RAET1G: variants seen among roughly 807,000 people sequenced by gnomAD.
RAET1G encodes UL-16 binding protein 5.
A neutral mutation model predicts 29.5 loss-of-function variants in RAET1G; 25 were observed. The observed-to-expected ratio is 0.85, with a 90% CI of 0.62 to 1.18. The LOEUF is 1.18. RAET1G is among the 50% of genes most tolerant of loss of function. RAET1G has a pLI of 0.00. For missense variants in RAET1G, 434 were observed against 423.6 expected (o/e 1.02, Z -0.22); for synonymous variants, 167 against 159.5 (o/e 1.05, Z -0.36).
Position 149,918,223 on chromosome 6 carries a change from G to A in RAET1G, c.793C>T (p.Pro265Ser), listed in dbSNP as rs1218902181. 3 of 1,614,098 alleles carry A rather than the reference G, an allele frequency of 1.9e-6. No homozygotes were observed. Among genetic ancestry groups the A allele is most frequent in the African/African-American group, 2.7e-5 (2 of 74,934 alleles). Residue 265 changes from proline to serine, a missense_variant, in exon 4 of 5, where the codon CCC becomes TCC. Transcript: ENST00000367360. ...AGCAGCCAGGTAGGATGAAGCAGGG[G>A]AGGATGAGGAGGAGGCTGCAGGGAC... ...PQSLQPPPHPPLLHPTWLLRR... is the reference protein window; with the variant it reads ...PQSLQPPPHPSLLHPTWLLRR...
rs1022830229 is a variant in RAET1G at position 149,918,767 on chromosome 6, T to C, written c.631+276A>G. 2.5e-5 allele frequency: 15 copies of C among 605,656 alleles called. No homozygotes were observed. The African/African-American group carries it at 2.8e-4, about 11-fold the overall frequency. The allele number at this position is 605,656 out of a possible 1,614,324, so 37.5% of individuals were successfully genotyped here. On this transcript the variant is annotated intron_variant, in intron 3 of 4. Transcript: ENST00000367360. The stretch of plus-strand genomic sequence containing the variant: ...AGAGGGAACACTAAGGAGAAAGGCC[T>C]GAAAATAGTGACACCTGCAGTTTCG...
chr6:149,917,223 C>G lies in RAET1G; in HGVS notation c.843-149G>C, dbSNP rs191800097. On this transcript the variant is annotated intron_variant, in intron 4 of 4. Coordinates refer to ENST00000367360, the MANE Select transcript of RAET1G (RefSeq NM_001001788.4). ...CATGAAAGTGGACCAGGAGCGTGACCCTGAAGCACAGCATCACAGGGAGAC... is the reference window on the plus strand; with the variant it reads ...CATGAAAGTGGACCAGGAGCGTGACGCTGAAGCACAGCATCACAGGGAGAC... 3.3e-6 allele frequency: 4 copies of G among 1,208,560 alleles called. No homozygotes were observed. The Admixed American group carries it at 1.0e-4, about 31-fold the overall frequency. The allele number at this position is 1,208,560 out of a possible 1,614,324, so 74.9% of individuals were successfully genotyped here. A position where few individuals can be genotyped will look rare whatever the true frequency, so the allele number is the denominator to read the frequency against.
intron 2 of RAET1G, 101 bp downstream of exon 2, chr6:149,919,452 G>A (rs1778541801): frequency 2.5e-6 from 4 of 1,610,892 alleles, no homozygotes; most frequent in Non-Finnish European, 3.4e-6. Flanking sequence ...GTCTTGCGGG[G>A]TGAGATGACC....
rs1193929742 is a variant in RAET1G, at chr6:149,919,072, A to C, written c.602T>G (p.Met201Arg). The stretch of plus-strand genomic sequence containing the variant: ...TGCACTTGGCTCCAGGGTGCTGTCC[A>C]TGCCCATCAAGAAGTCCTCAAGCCA... Reference protein sequence around the residue: ...TGWLEDFLMGMDSTLEPSAGA... With the variant: ...TGWLEDFLMGRDSTLEPSAGA... Residue 201 changes from methionine (M) to arginine (R), a missense_variant, in exon 3 of 5, where the codon ATG becomes AGG. Physicochemically the swap from Met to Arg is moderately conservative, Grantham distance 91 (BLOSUM62 -1). Coordinates refer to ENST00000367360, the MANE Select transcript of RAET1G (RefSeq NM_001001788.4). 1 of 1,614,156 alleles carries C rather than the reference A, an allele frequency of 6.2e-7. No homozygotes were observed. Among genetic ancestry groups the C allele is most frequent in the South Asian group, 1.1e-5 (1 of 91,084 alleles).
In RAET1G at chr6:149,919,833, G is replaced by A. The variant is rs371622609; in HGVS notation, c.86-17C>T. 386 of 1,612,066 alleles carry A rather than the reference G, an allele frequency of 2.4e-4. No individual in the cohort carries two copies. Among genetic ancestry groups the A allele is most frequent in the Middle Eastern group, 6.8e-4 (3 of 4,438 alleles). On this transcript the variant is annotated splice_polypyrimidine_tract_variant and intron_variant, in intron 1 of 4. Coordinates refer to ENST00000367360, the MANE Select transcript of RAET1G (RefSeq NM_001001788.4). ...AGTGAGGGTCTGTGGAGAAAGGCAG[G>A]TGAGGGGTGGGTGGGGAGGAAAAGA... is the stretch of plus-strand genomic sequence containing the variant.
At chr6:149,918,616 C>T in intron 3 of RAET1G, 1 of 627,354 alleles carries the variant, frequency 1.6e-6, no homozygotes, top group Non-Finnish European at 2.8e-6. Flanking sequence ...GCCCACCCTC[C>T]TGCTGTGGCG....
rs745655780 is a variant in RAET1G at position 149,919,534 on chromosome 6, T to A, written c.349+19A>T. The A allele has an allele frequency of 2.1e-5, 34 of 1,613,922 alleles. No homozygotes were observed. Among genetic ancestry groups the A allele is most frequent in the Non-Finnish European group, 2.9e-5 (34 of 1,179,888 alleles). ...CCACTGTATCTGCTCCCTGCTGTCC[T>A]GGGCCATCTGAAACTTACCCTTGGG... On this transcript the variant is annotated intron_variant, in intron 2 of 4. Transcript: ENST00000367360.
At chr6:149,920,867 C>A (rs1479903556) in intron 1 of RAET1G, among the ~76,000 whole-genome samples, 1 of 152,130 alleles carries the variant, frequency 6.6e-6, no homozygotes. Flanking sequence ...TTACAAGAAA[C>A]AGAGATAAAA....
At chr6:149,919,910 G>A (rs1180172841) in intron 1 of RAET1G, 94 bp from the exon 2 acceptor site, 2 of 1,607,886 alleles carry the variant, frequency 1.2e-6, no homozygotes, top group Non-Finnish European at 1.7e-6. Flanking sequence ...GCCTCTGGAG[G>A]GCTGGGCTGG....
rs1368189600 is a variant in RAET1G at position 149,917,063 on chromosome 6, G to A, written c.854C>T (p.Ala285Val). Reference sequence around the variant, plus strand: ...GTGTCCACCAGACAAGGGGCGCTTCGCTATTTGGTAGCTGAGGCGGAGAGA... The same window carrying A: ...GTGTCCACCAGACAAGGGGCGCTTCACTATTTGGTAGCTGAGGCGGAGAGA... ...RVLWSDSYQI[A>V]KRPLSGGHVT... The change falls in exon 5 of 5, where the codon GCG becomes GTG. Residue 285 changes from alanine to valine, a missense_variant. Transcript: ENST00000367360. The A allele has an allele frequency of 1.3e-6, 2 of 1,546,478 alleles. No individual in the cohort carries two copies. Among genetic ancestry groups the A allele is most frequent in the Admixed American group, 2.0e-5 (1 of 49,970 alleles).
At chr6:149,920,801 G>A (rs1778583360) in intron 1 of RAET1G, among the ~76,000 whole-genome samples, 1 of 152,146 alleles carries the variant, frequency 6.6e-6, no homozygotes, top group Non-Finnish European at 1.5e-5. Flanking sequence ...AGAACAAAGG[G>A]GTCCAAGATC....
intron 1 of RAET1G, 99 bp from the exon 2 acceptor site, chr6:149,919,915 G>C: frequency 6.2e-7 from 1 of 1,606,240 alleles, no homozygotes; most frequent in South Asian, 1.1e-5. Flanking sequence ...TGGAGGGCTG[G>C]GCTGGCCCAG....
At chr6:149,922,548 C>G (rs1194898423) in intron 1 of RAET1G, among the ~76,000 whole-genome samples, 1 of 152,046 alleles carries the variant, frequency 6.6e-6, no homozygotes, top group Non-Finnish European at 1.5e-5. Flanking sequence ...GTGATTGTGT[C>G]CCTGTGCAAC....
intron 2 of RAET1G, 25 bp from the exon 3 acceptor site, chr6:149,919,349 C>T: frequency 6.2e-7 from 1 of 1,606,724 alleles, no homozygotes; most frequent in Non-Finnish European, 8.5e-7. Flanking sequence ...GAGAGATCAG[C>T]TCTGGCCTTG....
In RAET1G at chr6:149,919,311, C is replaced by G. The variant is rs1188892244; in HGVS notation, c.363G>C (p.Leu121=). 7.4e-6 allele frequency: 12 copies of G among 1,613,812 alleles called. No individual in the cohort carries two copies. Among genetic ancestry groups the G allele is most frequent in the Non-Finnish European group, 1.0e-5 (12 of 1,179,754 alleles). ...TCTGCTCACAAGACATCCTGGCCTGCAGGGTGAGGGGTTCTGCCCCCATCA... is the reference window on the plus strand; with the variant it reads ...TCTGCTCACAAGACATCCTGGCCTGGAGGGTGAGGGGTTCTGCCCCCATCA... ...ENYIPKEPLT[L]QARMSCEQKA... The change falls in exon 3 of 5, where the codon CTG becomes CTC. Residue 121 remains leucine, a synonymous_variant. Coordinates refer to ENST00000367360, the MANE Select transcript of RAET1G (RefSeq NM_001001788.4).
At chr6:149,917,629 C>T (rs986492977) in intron 4 of RAET1G, among the ~76,000 whole-genome samples, 8 of 152,192 alleles carry the variant, frequency 5.3e-5, no homozygotes, top group South Asian at 2.1e-4. Flanking sequence ...CTGTATTCTA[C>T]GTCTAATACA....
At chr6:149,919,435 T>G in intron 2 of RAET1G, 111 bp from the exon 3 acceptor site, 1 of 1,607,174 alleles carries the variant, frequency 6.2e-7, no homozygotes. Flanking sequence ...TGGCCTTGCC[T>G]CTAGACGTCT....
chr6:149,917,240 C>G (rs576778773), intron 4 of RAET1G, among the ~76,000 whole-genome samples, 166 bp from the exon 5 acceptor site: 1 of 152,372 alleles, frequency 6.6e-6, no homozygotes, highest in African/African-American at 2.4e-5. Context: ...CACAGCATCA[C>G]AGGGAGACGT....
chr6:149,921,680 G>A (rs893607384), intron 1 of RAET1G, among the ~76,000 whole-genome samples: 3 of 152,106 alleles, frequency 2.0e-5, no homozygotes, highest in African/African-American at 7.2e-5. Context: ...GACCATAGAT[G>A]CCACTCAGCA....
Sources: allele counts gnomAD v4.1 joint callset (sites outside exome capture counted in the v4.1 genomes callset), GRCh38; gene constraint gnomAD v4.1.1; transcripts MANE v1.5; gene names NCBI Gene and HGNC (gene_info 2026-07-23, HGNC 2026-07-21).